The following RNF130 variants were observed in gnomAD, a reference collection of about 807,000 sequenced individuals.
RNF130 encodes the protein E3 ubiquitin-protein ligase RNF130.
RNF130 carries 21 observed loss-of-function variants against 44.6 expected under a neutral mutation model. That is an observed-to-expected ratio of 0.47 (90% CI 0.33 to 0.68). The LOEUF is 0.68. RNF130 is among the 30% of genes least tolerant of loss of function. RNF130 has a pLI of 0.02. For missense variants in RNF130, 479 were observed against 560.6 expected (o/e 0.85, Z 1.47); for synonymous variants, 214 against 210.4 (o/e 1.02, Z -0.15).
intron 2 of RNF130, among the ~76,000 whole-genome samples, chr5:180,033,622 G>C (rs1764183060): frequency 6.6e-6 from 1 of 151,820 alleles, no homozygotes; most frequent in Non-Finnish European, 1.5e-5. Flanking sequence ...CTTGAACCCA[G>C]GAGGCAGAGA....
chr5:180,057,503 G>A (rs939513826), intron 1 of RNF130, among the ~76,000 whole-genome samples: 5 of 151,952 alleles, frequency 3.3e-5, no homozygotes, highest in Admixed American at 2.0e-4. Context: ...AGCCAAGACC[G>A]TACCACTGCG....
chr5:180,056,935 T>C (rs1390995069), intron 1 of RNF130, among the ~76,000 whole-genome samples: 1 of 152,250 alleles, frequency 6.6e-6, no homozygotes, highest in African/African-American at 2.4e-5. Context: ...CGTGATTCCA[T>C]GTATATTGTG....
In RNF130 at chr5:179,924,185, AT is replaced by A. The variant is rs566757742; in HGVS notation, c.1151-3760del. Reference sequence around the variant, plus strand: ...CACAGTGAGACCCTGTCCCTAAACAATTTTTTTTTTTTAATAAATAAAAATT... The same window carrying A: ...CACAGTGAGACCCTGTCCCTAAACAATTTTTTTTTTTAATAAATAAAAATT... On this transcript the variant is annotated intron_variant, in intron 7 of 7. Transcript: ENST00000522208. Among the ~76,000 whole-genome samples the A allele has an allele frequency of 2.6e-3, 375 of 146,978 alleles. 2 individuals are homozygous for A. The highest frequency in any genetic ancestry group is 0.015 in the East Asian group (74 of 5,040).
intron 7 of RNF130, among the ~76,000 whole-genome samples, chr5:179,936,252 T>A (rs1425018709): frequency 6.6e-6 from 1 of 152,162 alleles, no homozygotes; most frequent in Non-Finnish European, 1.5e-5. Context: ...TCTGAGCAGC[T>A]GGGACTACAG....
intron 7 of RNF130, among the ~76,000 whole-genome samples, chr5:179,943,754 T>C (rs1352550452): frequency 1.3e-5 from 2 of 152,332 alleles, no homozygotes; most frequent in African/African-American, 4.8e-5. Context: ...GTAACTTAGA[T>C]TGCAGCTATG....
In RNF130 at chr5:179,934,540, CT is replaced by C. The variant is rs140004601; in HGVS notation, c.1151-14115del. On this transcript the variant is annotated intron_variant, in intron 7 of 7. Coordinates refer to the RNF130 transcript ENST00000522208. ...GTGTTTGGTTGATTTCTTTTCTTTC[CT>C]TTTTTTTTTTTTTTTTGGTGGTGGG... Among the ~76,000 whole-genome samples, 532 of 126,380 alleles carry C rather than the reference CT, an allele frequency of 4.2e-3. 2 individuals are homozygous for C. Among genetic ancestry groups the C allele is most frequent in the Non-Finnish European group, 5.1e-3 (313 of 61,488 alleles). 82.9% of individuals were successfully genotyped at this position (126,380 alleles called of 152,430 possible). A position where few individuals can be genotyped will look rare whatever the true frequency, so the allele number is the denominator to read the frequency against.
intron 1 of RNF130, among the ~76,000 whole-genome samples, chr5:180,049,241 T>C (rs1027966013): frequency 4.6e-5 from 7 of 152,152 alleles, no homozygotes; most frequent in African/African-American, 1.7e-4. Flanking sequence ...TCTGCCTCCT[T>C]CCCTCACTCG....
chr5:180,051,999 C>T (rs966043641), intron 1 of RNF130, among the ~76,000 whole-genome samples: 2 of 152,174 alleles, frequency 1.3e-5, no homozygotes, highest in Non-Finnish European at 2.9e-5. Flanking sequence ...ACTCTTCGTT[C>T]CACAAAGGAA....
chr5:179,947,639 T>C (rs1234732552), intron 7 of RNF130, among the ~76,000 whole-genome samples: 1 of 152,160 alleles, frequency 6.6e-6, no homozygotes, highest in Non-Finnish European at 1.5e-5. Flanking sequence ...AATAAGAGGG[T>C]TGTTGCAAGG....
chr5:180,021,033 G>C (rs1020330003), intron 2 of RNF130, among the ~76,000 whole-genome samples: 1 of 58,916 alleles, frequency 1.7e-5, no homozygotes, highest in Non-Finnish European at 3.6e-5. Flanking sequence ...CCAGGCTGGA[G>C]TGCAGTGGCG....
intron 7 of RNF130, among the ~76,000 whole-genome samples, chr5:179,946,683 A>G (rs908901168): frequency 4.6e-5 from 7 of 150,906 alleles, no homozygotes; most frequent in Non-Finnish European, 1.0e-4. Flanking sequence ...CCTCCCGAGT[A>G]GCTGGGACTA....
chr5:180,017,003 C>G (rs1763752872), intron 2 of RNF130, among the ~76,000 whole-genome samples: 1 of 152,192 alleles, frequency 6.6e-6, no homozygotes. Flanking sequence ...GTGGTGATGA[C>G]TTTAATAGCT....
Position 180,013,003 on chromosome 5 carries a change from A to T in RNF130, c.693+58T>A, listed in dbSNP as rs895956565. ...CATGTTAGTAAGATGCATGGTCACGACAGATGACTGTGAACTCTGGCTGTT... is the reference window on the plus strand; with the variant it reads ...CATGTTAGTAAGATGCATGGTCACGTCAGATGACTGTGAACTCTGGCTGTT... On this transcript the variant is annotated intron_variant, in intron 3 of 8. Coordinates refer to ENST00000521389, the MANE Select transcript of RNF130 (RefSeq NM_018434.6). The T allele has an allele frequency of 1.2e-5, 19 of 1,557,128 alleles. No homozygotes were observed. In the South Asian group the frequency reaches 1.5e-4, roughly 12 times the overall value.
intron 3 of RNF130, among the ~76,000 whole-genome samples, chr5:180,007,987 A>AG (rs1763500265): frequency 1.1e-5 from 1 of 87,884 alleles, no homozygotes; most frequent in East Asian, 3.2e-4. Context: ...CAAATCTTTT[A>AG]GTTTTTTTTT....
exon 8 of RNF130, chr5:179,914,347 A>C (rs1761510272): frequency 6.6e-6 from 1 of 152,268 alleles, no homozygotes; most frequent in Non-Finnish European, 1.5e-5. Flanking sequence ...CTTCCGGGTG[A>C]CACTGAACAC....
chr5:179,925,031 C>A (rs1238485341), intron 7 of RNF130, among the ~76,000 whole-genome samples: 1 of 152,136 alleles, frequency 6.6e-6, no homozygotes, highest in East Asian at 1.9e-4. Context: ...AAGCTATCTG[C>A]CATATTGTGA....
chr5:179,971,953 T>C (rs139810227), intron 5 of RNF130, among the ~76,000 whole-genome samples: 47 of 152,336 alleles, frequency 3.1e-4, no homozygotes, highest in African/African-American at 1.1e-3. Context: ...AGAATGAATT[T>C]ATCAATCTAG....
chr5:180,050,404 G>T (rs1033077231), intron 1 of RNF130, among the ~76,000 whole-genome samples: 3 of 152,338 alleles, frequency 2.0e-5, no homozygotes, highest in African/African-American at 7.2e-5. Context: ...GCCATCAGTG[G>T]AATGGATAAG....
At chr5:180,004,545 G>A (rs1458265932) in intron 3 of RNF130, among the ~76,000 whole-genome samples, 2 of 152,148 alleles carry the variant, frequency 1.3e-5, no homozygotes, top group Non-Finnish European at 2.9e-5. Context: ...CAGCTTGAGG[G>A]GTTTGTTAGG....
Sources: allele counts gnomAD v4.1 joint callset (sites outside exome capture counted in the v4.1 genomes callset), GRCh38; gene constraint gnomAD v4.1.1; transcripts MANE v1.5; gene names NCBI Gene and HGNC (gene_info 2026-07-23, HGNC 2026-07-21).